The following SRL variants were observed in gnomAD, a reference collection of about 807,000 sequenced individuals.
The protein encoded by SRL is sarcalumenin.
Under a neutral mutation model 39.5 loss-of-function variants are expected in SRL, and 23 were observed. That is an observed-to-expected ratio of 0.58 (90% CI 0.42 to 0.82). The LOEUF is 0.82. SRL is among the 40% of genes least tolerant of loss of function. The pLI, the probability that SRL is intolerant of heterozygous loss-of-function variation, is 0.00. For synonymous variants in SRL, 272 were observed against 237.4 expected (o/e 1.15, Z -1.34); for missense variants, 592 against 607.8 (o/e 0.97, Z 0.27).
intron 1 of SRL, among the ~76,000 whole-genome samples, chr16:4,208,499 G>A (rs559461809): frequency 9.9e-5 from 15 of 152,228 alleles, no homozygotes; most frequent in Non-Finnish European, 1.8e-4. Context: ...CCTTGCTCAC[G>A]GGCGTGTGCA....
At chr16:4,228,592 A>T (rs367832488) in intron 1 of SRL, among the ~76,000 whole-genome samples, 11 of 149,986 alleles carry the variant, frequency 7.3e-5, no homozygotes, top group African/African-American at 2.7e-4. Context: ...AAAATTAGTC[A>T]GGCGTGGTGG....
intron 1 of SRL, among the ~76,000 whole-genome samples, chr16:4,225,304 C>T (rs967668749): frequency 3.3e-5 from 5 of 152,112 alleles, no homozygotes; most frequent in South Asian, 2.1e-4. Context: ...AATAAAGAGC[C>T]GGGTGTGGTG....
intron 3 of SRL, among the ~76,000 whole-genome samples, chr16:4,199,187 C>T (rs1378516840): frequency 6.6e-6 from 1 of 151,946 alleles, no homozygotes; most frequent in Non-Finnish European, 1.5e-5. Context: ...TATTTAATTT[C>T]TTGGTTCAAA....
At chr16:4,236,829 G>A (rs996057828) in intron 1 of SRL, among the ~76,000 whole-genome samples, 4 of 151,888 alleles carry the variant, frequency 2.6e-5, no homozygotes, top group African/African-American at 9.7e-5. Context: ...ATTTTTAGTA[G>A]AGATGGGGTT....
At chr16:4,207,314 T>A (rs1439022279) in intron 1 of SRL, 1 of 456,816 alleles carries the variant, frequency 2.2e-6, no homozygotes, top group South Asian at 1.5e-5. Flanking sequence ...CCTTAACGCT[T>A]TGGGCGCCCC....
chr16:4,223,204 C>T (rs1189169933), intron 1 of SRL, among the ~76,000 whole-genome samples: 1 of 144,572 alleles, frequency 6.9e-6, no homozygotes, highest in Non-Finnish European at 1.5e-5. Context: ...TGCACTCCAG[C>T]CTGGGCAAAA....
intron 1 of SRL, among the ~76,000 whole-genome samples, chr16:4,206,403 C>T (rs77632145): frequency 0.022 from 3,288 of 152,300 alleles, 133 homozygotes; most frequent in African/African-American, 0.075. Context: ...CCGCTGGCCC[C>T]GGGGCACCAA....
At chr16:4,231,454 C>T (rs368379404) in intron 1 of SRL, among the ~76,000 whole-genome samples, 1 of 152,174 alleles carries the variant, frequency 6.6e-6, no homozygotes, top group Non-Finnish European at 1.5e-5. Context: ...CTGAGCCAAT[C>T]GTTTTCACCA....
chr16:4,216,231 A>G (rs919725300), intron 1 of SRL, among the ~76,000 whole-genome samples: 1 of 152,180 alleles, frequency 6.6e-6, no homozygotes. Context: ...AGGAGTCATC[A>G]GTATAAATGA....
chr16:4,218,376 C>T (rs1422102858), intron 1 of SRL, among the ~76,000 whole-genome samples: 3 of 152,134 alleles, frequency 2.0e-5, no homozygotes, highest in Non-Finnish European at 4.4e-5. Flanking sequence ...GCAACACGGT[C>T]GGAGGGAGGT....
At chr16:4,229,449 CA>C (rs201366779) in intron 1 of SRL, among the ~76,000 whole-genome samples, 7 of 148,354 alleles carry the variant, frequency 4.7e-5, no homozygotes, top group East Asian at 2.0e-4. Flanking sequence ...GACACCGTCT[CA>C]AAAAAAAACA....
intron 1 of SRL, among the ~76,000 whole-genome samples, chr16:4,232,485 G>A (rs1040362307): frequency 6.6e-6 from 1 of 152,052 alleles, no homozygotes; most frequent in African/African-American, 2.4e-5. Context: ...GAATGGCTTG[G>A]TCAAGCCTTT....
chr16:4,240,326 T>G (rs2052759379), intron 1 of SRL, among the ~76,000 whole-genome samples: 1 of 152,088 alleles, frequency 6.6e-6, no homozygotes, highest in Non-Finnish European at 1.5e-5. Context: ...TAGGAAGGAC[T>G]GTCATGATGG....
At chr16:4,198,300 G>A (rs2052176677) in intron 3 of SRL, among the ~76,000 whole-genome samples, 1 of 152,212 alleles carries the variant, frequency 6.6e-6, no homozygotes, top group Non-Finnish European at 1.5e-5. Context: ...AATGGAGGAT[G>A]GATGTGGAGC....
In SRL at chr16:4,192,179, G is replaced by T. The variant is rs1197543530; in HGVS notation, c.1396C>A (p.Pro466Thr). The T allele has an allele frequency of 1.9e-6, 3 of 1,556,256 alleles. No individual in the cohort carries two copies. Among genetic ancestry groups the T allele is most frequent in the Admixed American group, 2.0e-5 (1 of 50,250 alleles). Reference protein sequence around the residue: ...NCDKTGCSETPKNRYRKH With the variant: ...NCDKTGCSETTKNRYRKH ...TAGTGCTTCCTGTAGCGATTTTTTGGTGTTTCGCTACACCCTGTTTTGTCA... is the reference window on the plus strand; with the variant it reads ...TAGTGCTTCCTGTAGCGATTTTTTGTTGTTTCGCTACACCCTGTTTTGTCA... Residue 466 changes from proline to threonine, a missense_variant, in exon 6 of 6, where the codon CCA (proline) becomes ACA (threonine). By Grantham distance (38) the Pro-to-Thr change is conservative. Coordinates refer to ENST00000399609, the MANE Select transcript of SRL (RefSeq NM_001098814.2). This position sits in a 1 kb window ranked among gnomAD's most constrained non-coding sequence, Gnocchi z 4.0.
chr16:4,221,157 T>A (rs79363145), intron 1 of SRL, among the ~76,000 whole-genome samples: 45,338 of 151,492 alleles, frequency 0.3, 7,220 homozygotes, highest in Middle Eastern at 0.48. Flanking sequence ...CAAGTGATTC[T>A]CCTGCCTCAG....
intron 1 of SRL, among the ~76,000 whole-genome samples, chr16:4,215,344 G>T (rs2052445710): frequency 6.6e-6 from 1 of 152,168 alleles, no homozygotes; most frequent in Admixed American, 6.5e-5. Context: ...GTCCCTGGCT[G>T]GACTCTAGCC....
chr16:4,221,490 G>A (rs1264429061), intron 1 of SRL, among the ~76,000 whole-genome samples: 3 of 152,192 alleles, frequency 2.0e-5, no homozygotes, highest in Admixed American at 1.3e-4. Flanking sequence ...TTCCACACTC[G>A]CTGTCCCCAG....
At chr16:4,230,645 C>G (rs2052650994) in intron 1 of SRL, among the ~76,000 whole-genome samples, 1 of 151,942 alleles carries the variant, frequency 6.6e-6, no homozygotes, top group Non-Finnish European at 1.5e-5. Context: ...CCCTTGGCCT[C>G]CCAAAGTGCT....
Sources: gnomAD v4.1 joint callset for allele counts (sites outside exome capture counted in the v4.1 genomes callset) on GRCh38, gnomAD v4.1.1 for gene constraint, Gnocchi (gnomAD v3.1) non-coding constraint, MANE v1.5 for transcripts, NCBI Gene and HGNC (gene_info 2026-07-23, HGNC 2026-07-21) for gene names.